DHPS: variants seen among roughly 807,000 people sequenced by gnomAD.
DHPS encodes the protein migration-inducing gene 13.
Under a neutral mutation model 38.7 loss-of-function variants are expected in DHPS, and 24 were observed. The ratio of observed to expected loss-of-function variants is 0.62; its 90% CI spans 0.45 to 0.87. The LOEUF (loss-of-function observed/expected upper bound fraction) is 0.87, where lower values mean the gene tolerates loss of function less well. DHPS is among the 40% of genes least tolerant of loss of function. The pLI is 0.00. For synonymous variants in DHPS, 250 were observed against 204.4 expected, an observed-to-expected ratio of 1.22 and a Z score of -1.90; for missense variants, 510 against 497.6, an observed-to-expected ratio of 1.02 and a Z score of -0.24.
chr19:12,676,177 G>C, intron 7 of DHPS, 35 bp from the exon 8 acceptor site: 2 of 1,560,422 alleles, frequency 1.3e-6, no homozygotes, highest in Non-Finnish European at 1.7e-6. Flanking sequence ...GGCCCAGTCA[G>C]CCAGTCACAG....
chr19:12,675,669 C>T, downstream of DHPS: 2 of 1,600,322 alleles, frequency 1.2e-6, no homozygotes, highest in Non-Finnish European at 8.5e-7. Flanking sequence ...ATGGAGCAGG[C>T]TGAAGCCAGG....
intron 1 of DHPS, among the ~76,000 whole-genome samples, chr19:12,680,833 CTTTTTT>C (rs775520052): frequency 1.7e-5 from 2 of 119,610 alleles, no homozygotes; most frequent in African/African-American, 8.0e-5. Flanking sequence ...CGTGCCCGGC[CTTTTTT>C]TTTTTTTTTT....
downstream of DHPS, among the ~76,000 whole-genome samples, chr19:12,674,624 A>G (rs2024515857): frequency 6.6e-6 from 1 of 152,208 alleles, no homozygotes; most frequent in Non-Finnish European, 1.5e-5. Context: ...AACTGTTTAC[A>G]TTGTGTTGGG....
rs774505760 is a variant in DHPS, at chr19:12,677,150, G to A, written c.846C>T (p.Gly282=). The part of the protein sequence containing the change: ...FAKCTGMIIL[G]GGVVKHHIAN... The stretch of plus-strand genomic sequence containing the variant: ...CAATGTGGTGCTTGACCACGCCCCC[G>A]CCCAGAATGATCATCCCAGTGCACT... Residue 282 remains glycine, a synonymous_variant, in exon 7 of 9, where the codon GGC becomes GGT. Coordinates refer to ENST00000210060, the MANE Select transcript of DHPS (RefSeq NM_001930.4). The A allele has an allele frequency of 2.0e-5, 32 of 1,614,054 alleles. No homozygotes were observed. The highest frequency in any genetic ancestry group is 6.6e-5 in the South Asian group (6 of 91,090).
downstream of DHPS, chr19:12,675,694 G>A (rs1340770137): frequency 2.5e-6 from 4 of 1,597,676 alleles, no homozygotes; most frequent in Non-Finnish European, 3.4e-6. Context: ...CCACCAACAG[G>A]ACCAAGGACC....
downstream of DHPS, chr19:12,672,774 T>C (rs1405387278): frequency 1.3e-6 from 2 of 1,483,140 alleles, no homozygotes; most frequent in African/African-American, 1.4e-5. Flanking sequence ...CCCACTGGGC[T>C]GGGAAGGCAC....
downstream of DHPS, chr19:12,672,760 C>T: frequency 1.5e-6 from 2 of 1,360,958 alleles, no homozygotes; most frequent in Non-Finnish European, 2.0e-6. Flanking sequence ...ACTGGAAGAG[C>T]AGGCCCACTG....
rs748914167 is a variant in DHPS, at chr19:12,680,296, C to G, written c.237G>C (p.Gln79His). Residue 79 changes from glutamine (Q) to histidine (H), a missense_variant, in exon 2 of 9, where the codon CAG (glutamine) becomes CAC (histidine). Physicochemically the swap from Gln to His is conservative, Grantham distance 24. Transcript: ENST00000210060. ...TCAGGTCCGCGTGCTGGTCTTCATC[C>G]TGTGACAGTGGTTCCAGCTTCTTCT... Reference protein sequence around the residue: ...MIEKKLEPLSQDEDQHADLTQ... With the variant: ...MIEKKLEPLSHDEDQHADLTQ... The G allele has an allele frequency of 1.9e-6, 3 of 1,614,176 alleles. No homozygotes were observed. In the South Asian group the frequency reaches 3.3e-5, roughly 18 times the overall value.
chr19:12,673,888 C>T (rs2024492876), downstream of DHPS, among the ~76,000 whole-genome samples: 1 of 152,060 alleles, frequency 6.6e-6, no homozygotes, highest in Non-Finnish European at 1.5e-5. Flanking sequence ...TTAGTAGAGA[C>T]AGGGTTTCAC....
In DHPS at chr19:12,680,056, C is replaced by T. The variant is rs780601641; in HGVS notation, c.372+105G>A. 2.6e-6 allele frequency: 4 copies of T among 1,557,090 alleles called. No homozygotes were observed. In the African/African-American group the frequency reaches 4.1e-5, roughly 16 times the overall value. The stretch of plus-strand genomic sequence containing the variant: ...CTACAAAACAAAACTTGATTCTATT[C>T]CTCTGCTTATAACAGACCCCTATCT... On this transcript the variant is annotated intron_variant, in intron 2 of 8. Transcript: ENST00000210060.
downstream of DHPS, chr19:12,673,284 G>T (rs766009037): frequency 1.9e-6 from 3 of 1,613,934 alleles, no homozygotes; most frequent in Non-Finnish European, 2.5e-6. Context: ...CTGTTCTGAG[G>T]ACGGGAAGGT....
downstream of DHPS, among the ~76,000 whole-genome samples, chr19:12,674,883 A>AG (rs1568315935): frequency 6.6e-6 from 1 of 152,174 alleles, no homozygotes; most frequent in East Asian, 1.9e-4. Flanking sequence ...TGGGAGGCCG[A>AG]GGGGGGTGGA....
In DHPS at chr19:12,681,718, C is replaced by T. The variant is rs370202774; in HGVS notation, c.49G>A (p.Val17Met). Residue 17 changes from valine (V) to methionine (M), a missense_variant, in exon 1 of 9, where the codon GTG becomes ATG. By Grantham distance (21) the Val-to-Met change is conservative. Coordinates refer to ENST00000210060, the MANE Select transcript of DHPS (RefSeq NM_001930.4). Reference sequence around the variant, plus strand: ...GGCAACGTCGAGCTGTGCTTTAGCACGGCGGCCAGCGCCCCCGCTGGCGCC... The same window carrying T: ...GGCAACGTCGAGCTGTGCTTTAGCATGGCGGCCAGCGCCCCCGCTGGCGCC... ...REAPAGALAA[V>M]LKHSSTLPPE... 2.5e-5 allele frequency: 40 copies of T among 1,613,192 alleles called. No homozygotes were observed. The South Asian group carries it at 4.2e-4, about 17-fold the overall frequency.
chr19:12,679,408 G>C (rs1282839597), intron 5 of DHPS, 49 bp downstream of exon 5: 1 of 1,552,860 alleles, frequency 6.4e-7, no homozygotes, highest in East Asian at 2.2e-5. Flanking sequence ...GATGAAATAA[G>C]TTAACACATG....
At position 12,677,317 on chromosome 19, in the gene DHPS, G is replaced by A. The variant is rs746075617; in HGVS notation, c.758C>T (p.Pro253Leu). The change falls in exon 6 of 9, where the codon CCG becomes CTG. Residue 253 changes from proline (P) to leucine (L), a missense_variant. Physicochemically the swap from Pro to Leu is moderately conservative, Grantham distance 98. Coordinates refer to ENST00000210060, the MANE Select transcript of DHPS (RefSeq NM_001930.4). ...CTCAACGATGTCCAGGACCAGGCCC[G>A]GGTTCTTGTAGGAATGGAAGAAGAT... is the stretch of plus-strand genomic sequence containing the variant. ...DMIFFHSYKN[P>L]GLVLDIVEDL... 18 of 1,614,184 alleles carry A rather than the reference G, an allele frequency of 1.1e-5. No homozygotes were observed. Among genetic ancestry groups the A allele is most frequent in the Middle Eastern group, 1.6e-4 (1 of 6,062 alleles).
chr19:12,673,206 A>C (rs1381596953), downstream of DHPS: 1 of 1,613,876 alleles, frequency 6.2e-7, no homozygotes, highest in East Asian at 2.2e-5. Context: ...CCTTAGGTAC[A>C]AGGGCCATAA....
intron 5 of DHPS, among the ~76,000 whole-genome samples, chr19:12,677,638 C>CT (rs1353817567): frequency 1.3e-5 from 2 of 151,140 alleles, no homozygotes; most frequent in African/African-American, 2.4e-5. Context: ...GTTTCTCTCT[C>CT]TTTTTTTTTA....
downstream of DHPS, among the ~76,000 whole-genome samples, chr19:12,674,199 C>T (rs569061914): frequency 6.6e-6 from 1 of 152,326 alleles, no homozygotes; most frequent in South Asian, 2.1e-4. Context: ...GGGGAGCCGA[C>T]GGCCATGTCT....
downstream of DHPS, chr19:12,673,091 A>G (rs547890510): frequency 2.5e-6 from 4 of 1,613,324 alleles, no homozygotes; most frequent in Non-Finnish European, 3.4e-6. Context: ...GCTCCTGGAC[A>G]AAGACACAGG....
Sources: gnomAD v4.1 joint callset for allele counts (sites outside exome capture counted in the v4.1 genomes callset) on GRCh38, gnomAD v4.1.1 for gene constraint, MANE v1.5 for transcripts, NCBI Gene and HGNC (gene_info 2026-07-23, HGNC 2026-07-21) for gene names.